The following MDFI variants were observed in gnomAD, a reference collection of about 807,000 sequenced individuals.
MDFI encodes the protein MyoD family inhibitor, also known as inhibitor of MyoD family a.
A neutral mutation model predicts 22.3 loss-of-function variants in MDFI; 16 were observed. The ratio of observed to expected loss-of-function variants is 0.72; its 90% confidence interval spans 0.49 to 1.09. The LOEUF (loss-of-function observed/expected upper bound fraction) is 1.09. Among genes scored for constraint, MDFI ranks in the 50% least tolerant of loss-of-function variants. MDFI has a pLI of 0.00. For missense variants in MDFI, 314 were observed against 326.1 expected, an observed-to-expected ratio of 0.96 and a Z score of 0.29; for synonymous variants, 145 against 142.7, an observed-to-expected ratio of 1.02 and a Z score of -0.12.
At chr6:41,639,348 C>G in intron 2 of MDFI, 6 of 985,408 alleles carry the variant, frequency 6.1e-6, no homozygotes, top group Non-Finnish European at 7.2e-6. Context: ...CCTTCCTTCC[C>G]TCTCGTGCCG....
chr6:41,652,948 T>C (rs1768331269), intron 4 of MDFI, among the ~76,000 whole-genome samples: 1 of 152,148 alleles, frequency 6.6e-6, no homozygotes, highest in South Asian at 2.1e-4. Flanking sequence ...TCTTCATCTG[T>C]AGAGTGGGGC....
rs148793390 is a variant in MDFI at position 41,649,407 on chromosome 6, G to C, written c.260-212G>C. 5.3e-3 allele frequency among the ~76,000 whole-genome samples: 813 copies of C among 152,342 alleles called. 11 individuals carry two copies. The highest frequency in any genetic ancestry group is 0.018 in the African/African-American group (750 of 41,572). ...ATTTCTGGACTGAGCACTGAACTGA[G>C]AGTCAGGAGCTAGGCCCAACTCAAT... On this transcript the variant is annotated intron_variant, in intron 3 of 4. Transcript: ENST00000230321.
Position 41,653,832 on chromosome 6 carries a change from A to C in MDFI, c.*257A>C. On this transcript the variant is annotated 3_prime_UTR_variant, in exon 5 of 5. Transcript: ENST00000230321. This position sits in a 1 kb window ranked among gnomAD's most constrained non-coding sequence, Gnocchi z 4.2. ...CTTTACTGGGTTACCAGGTTCATAC[A>C]TTGCTGAGGACCTGACAGGACAACC... 2.3e-6 allele frequency: 1 copy of C among 438,404 alleles called. No individual in the cohort carries two copies. Among genetic ancestry groups the C allele is most frequent in the East Asian group, 4.2e-5 (1 of 23,944 alleles). The allele number at this position is 438,404 out of a possible 1,614,324, so 27.2% of individuals were successfully genotyped here.
At chr6:41,647,704 C>T (rs1768102488) in intron 3 of MDFI, among the ~76,000 whole-genome samples, 1 of 152,076 alleles carries the variant, frequency 6.6e-6, no homozygotes, top group Non-Finnish European at 1.5e-5. Flanking sequence ...CTCTCTGGGC[C>T]TCTGTTTTCT....
intron 2 of MDFI, 131 bp from the exon 3 acceptor site, chr6:41,645,995 G>T: frequency 3.8e-6 from 3 of 793,362 alleles, no homozygotes. Context: ...TAGAGTAAGG[G>T]CTGCATAACT....
intron 2 of MDFI, among the ~76,000 whole-genome samples, chr6:41,644,913 G>T (rs558886892): frequency 6.6e-6 from 1 of 151,170 alleles, no homozygotes; most frequent in African/African-American, 2.4e-5. Flanking sequence ...CTGTCTGCCC[G>T]TGTCCCCCTC....
At chr6:41,640,026 C>T (rs1767791680) in intron 2 of MDFI, 1 of 788,092 alleles carries the variant, frequency 1.3e-6, no homozygotes, top group Non-Finnish European at 1.5e-6. Context: ...AGTGTGTCTA[C>T]AGCCCATCTT....
chr6:41,652,253 G>T (rs1364708214), intron 4 of MDFI, among the ~76,000 whole-genome samples: 1 of 152,240 alleles, frequency 6.6e-6, no homozygotes, highest in African/African-American at 2.4e-5. Flanking sequence ...ATCAGCGCCT[G>T]CATGGCCAAG....
Position 41,653,853 on chromosome 6 carries a change from C to A in MDFI, c.*278C>A. 81 of 415,874 alleles carry A rather than the reference C, an allele frequency of 1.9e-4. No homozygotes were observed. The highest frequency in any genetic ancestry group is 4.5e-4 in the East Asian group (10 of 22,086). 25.8% of individuals were successfully genotyped at this position (415,874 alleles called of 1,614,324 possible). A position where few individuals can be genotyped will look rare whatever the true frequency, so the allele number is the denominator to read the frequency against. ...ATACATTGCTGAGGACCTGACAGGACAACCTAGGGGCAGGGCTGGGGTGGG... is the reference window on the plus strand; with the variant it reads ...ATACATTGCTGAGGACCTGACAGGAAAACCTAGGGGCAGGGCTGGGGTGGG... On this transcript the variant is annotated 3_prime_UTR_variant, in exon 5 of 5. Transcript: ENST00000230321. The surrounding 1 kb of genome is among the most constrained non-coding windows in gnomAD (Gnocchi z 4.2).
intron 2 of MDFI, among the ~76,000 whole-genome samples, chr6:41,643,470 G>C (rs1767923309): frequency 6.6e-6 from 1 of 151,534 alleles, no homozygotes; most frequent in Admixed American, 6.6e-5. Flanking sequence ...CCCAATACTT[G>C]TCATATTGCT....
At chr6:41,650,576 T>TTC (rs1234264147) in intron 4 of MDFI, among the ~76,000 whole-genome samples, 1 of 148,998 alleles carries the variant, frequency 6.7e-6, no homozygotes, top group East Asian at 2.0e-4. Flanking sequence ...CTTTTTCCTT[T>TTC]TTTTTTTTTT....
At position 41,638,634 on chromosome 6, in the gene MDFI, C is replaced by A; in HGVS notation, c.-30C>A. 2.4e-6 allele frequency: 3 copies of A among 1,235,682 alleles called. No homozygotes were observed. The highest frequency in any genetic ancestry group is 3.4e-6 in the Non-Finnish European group (3 of 889,948). The allele number at this position is 1,235,682 out of a possible 1,614,324, so 76.5% of individuals were successfully genotyped here. A position where few individuals can be genotyped will look rare whatever the true frequency, so the allele number is the denominator to read the frequency against. On this transcript the variant is annotated 5_prime_UTR_variant, in exon 1 of 5. Transcript: ENST00000230321. The surrounding 1 kb of genome is among the most constrained non-coding windows in gnomAD (Gnocchi z 7.6). The stretch of plus-strand genomic sequence containing the variant: ...GCGCGGGGATCCGGCTGGAAGAGAG[C>A]GTAGCACGGCTCGCACGAGTGAGTG...
chr6:41,648,547 C>T (rs1280712070), intron 3 of MDFI, among the ~76,000 whole-genome samples: 3 of 152,146 alleles, frequency 2.0e-5, no homozygotes, highest in Admixed American at 1.3e-4. Context: ...CTACACAATT[C>T]ACATACACAG....
chr6:41,649,469 C>G, intron 3 of MDFI, 150 bp from the exon 4 acceptor site: 4 of 718,456 alleles, frequency 5.6e-6, no homozygotes, highest in Non-Finnish European at 9.4e-6. Flanking sequence ...TTTCTTCTCT[C>G]TGGGCCTCAG....
rs1767722874 is a variant in MDFI, at chr6:41,638,671, C to A, written c.-12+19C>A. The A allele has an allele frequency of 4.9e-6, 7 of 1,430,626 alleles. No homozygotes were observed. The South Asian group carries it at 7.4e-5, about 15-fold the overall frequency. The allele number at this position is 1,430,626 out of a possible 1,614,324, so 88.6% of individuals were successfully genotyped here. A position where few individuals can be genotyped will look rare whatever the true frequency, so the allele number is the denominator to read the frequency against. The stretch of plus-strand genomic sequence containing the variant: ...CGCACGAGTGAGTGGACGTGGGAGG[C>A]GCGCATCTGCGGGGGAATCGCCCCT... On this transcript the variant is annotated intron_variant, in intron 1 of 4. Coordinates refer to ENST00000230321, the MANE Select transcript of MDFI (RefSeq NM_005586.4). This position sits in a 1 kb window ranked among gnomAD's most constrained non-coding sequence, Gnocchi z 7.6.
intron 2 of MDFI, 37 bp from the exon 3 acceptor site, chr6:41,646,089 C>G (rs573183556): frequency 7.0e-7 from 1 of 1,423,212 alleles, no homozygotes; most frequent in South Asian, 1.6e-5. Flanking sequence ...AGGAAGGCCC[C>G]AGGAAAATGG....
chr6:41,652,602 C>G (rs957779152), intron 4 of MDFI, among the ~76,000 whole-genome samples: 5 of 131,490 alleles, frequency 3.8e-5, no homozygotes, highest in Admixed American at 2.6e-4. Flanking sequence ...TAACTACTCT[C>G]CCTCTCTTTT....
At chr6:41,651,163 G>A (rs929373815) in intron 4 of MDFI, among the ~76,000 whole-genome samples, 4 of 135,880 alleles carry the variant, frequency 2.9e-5, no homozygotes, top group Non-Finnish European at 6.5e-5. Flanking sequence ...TGGGCAACAA[G>A]AGCAAAACTT....
At chr6:41,648,406 G>A (rs985126405) in intron 3 of MDFI, among the ~76,000 whole-genome samples, 3 of 152,220 alleles carry the variant, frequency 2.0e-5, no homozygotes, top group Non-Finnish European at 4.4e-5. Context: ...TAGAAGGGCT[G>A]GCGTGCAGGA....
Sources: gnomAD v4.1 joint callset for allele counts (sites outside exome capture counted in the v4.1 genomes callset) on GRCh38, gnomAD v4.1.1 for gene constraint, Gnocchi (gnomAD v3.1) non-coding constraint, MANE v1.5 for transcripts, NCBI Gene and HGNC (gene_info 2026-07-23, HGNC 2026-07-21) for gene names.